MUCL1: variants seen among roughly 807,000 people sequenced by gnomAD.
MUCL1 encodes the protein mucin like 1.
In MUCL1, 11 loss-of-function variants were observed where a neutral mutation model predicts 9.2. The ratio of observed to expected loss-of-function variants is 1.19; its 90% confidence interval spans 0.75 to 1.97. The LOEUF (loss-of-function observed/expected upper bound fraction) is 1.97, where lower values mean the gene tolerates loss of function less well. Among genes scored for constraint, MUCL1 ranks in the 30% most tolerant of loss-of-function variants. The pLI is 0.00. For synonymous variants in MUCL1, 48 were observed against 40.5 expected (o/e 1.19, Z -0.71); for missense variants, 144 against 110.9 (o/e 1.30, Z -1.34).
upstream of MUCL1, among the ~76,000 whole-genome samples, chr12:54,834,959 C>G (rs10747716): frequency 0.36 from 54,217 of 151,846 alleles, 11,595 homozygotes; most frequent in East Asian, 0.83. Context: ...CCTTTGCATA[C>G]AGATAGTTTA....
chr12:54,855,297 G>C (rs1464771249), intron 2 of MUCL1, 140 bp downstream of exon 2: 11 of 700,388 alleles, frequency 1.6e-5, no homozygotes, highest in Non-Finnish European at 2.7e-5. Flanking sequence ...CTATATTCCT[G>C]ATTTTAAAAT....
At chr12:54,850,698 T>C (rs1959325695), upstream of MUCL1, among the ~76,000 whole-genome samples, 1 of 152,186 alleles carries the variant, frequency 6.6e-6, no homozygotes. Flanking sequence ...CTGGGTCAAA[T>C]GGTATTTCTA....
chr12:54,847,318 G>T (rs1345544268), intron 1 of MUCL1, among the ~76,000 whole-genome samples: 1 of 152,136 alleles, frequency 6.6e-6, no homozygotes, highest in African/African-American at 2.4e-5. Context: ...AAACTGACAA[G>T]CAAAGAGCAA....
At position 54,858,310 on chromosome 12, in the gene MUCL1, T is replaced by C; in HGVS notation, c.*68T>C. 6.3e-7 allele frequency: 1 copy of C among 1,576,534 alleles called. No individual in the cohort carries two copies. The highest frequency in any genetic ancestry group is 1.1e-5 in the South Asian group (1 of 90,176). On this transcript the variant is annotated 3_prime_UTR_variant, in exon 4 of 4. Coordinates refer to ENST00000308796, the MANE Select transcript of MUCL1 (RefSeq NM_058173.3). ...CATGCTTCCTGTGATTTCATCCAAC[T>C]ACTTACCTTGCCTACGATATCCCCT... is the stretch of plus-strand genomic sequence containing the variant.
chr12:54,834,673 A>T (rs1473098452), upstream of MUCL1, among the ~76,000 whole-genome samples: 2 of 152,010 alleles, frequency 1.3e-5, no homozygotes, highest in African/African-American at 4.8e-5. Flanking sequence ...CATTAATCAT[A>T]ATGAACTAAC....
At chr12:54,835,915 A>C (rs1959192457), upstream of MUCL1, among the ~76,000 whole-genome samples, 1 of 152,184 alleles carries the variant, frequency 6.6e-6, no homozygotes, top group African/African-American at 2.4e-5. Flanking sequence ...CCATCCCTGC[A>C]TCCCTGGGAT....
chr12:54,853,000 G>T (rs1182931181), upstream of MUCL1, among the ~76,000 whole-genome samples: 3 of 152,100 alleles, frequency 2.0e-5, no homozygotes, highest in Non-Finnish European at 4.4e-5. Context: ...TCTTTCCGAG[G>T]TTGAAGACCA....
At chr12:54,857,231 A>AGTGTGTGTGTGTGTGTGTGT (rs34504933) in intron 3 of MUCL1, among the ~76,000 whole-genome samples, 2 of 142,454 alleles carry the variant, frequency 1.4e-5, no homozygotes, top group East Asian at 2.1e-4. Flanking sequence ...TAAATCAGGT[A>AGTGTGTGTGTGTGTGTGTGT]GTGTGTGTGT....
chr12:54,854,715 T>C, intron 1 of MUCL1, 75 bp downstream of exon 1: 1 of 1,359,044 alleles, frequency 7.4e-7, no homozygotes, highest in South Asian at 1.2e-5. Flanking sequence ...GATGTGGGCT[T>C]ATGGTTGCTT....
chr12:54,837,004 G>A (rs1459999511), upstream of MUCL1, among the ~76,000 whole-genome samples: 1 of 152,038 alleles, frequency 6.6e-6, no homozygotes, highest in African/African-American at 2.4e-5. Context: ...CTTATTATAT[G>A]GTCTATCTTG....
At chr12:54,852,558 C>CT (rs1377297259), upstream of MUCL1, among the ~76,000 whole-genome samples, 2 of 152,194 alleles carry the variant, frequency 1.3e-5, no homozygotes, top group Non-Finnish European at 2.9e-5. Context: ...TTGTATCACA[C>CT]TTTTCCTGTT....
chr12:54,855,075 G>T lies in MUCL1; in HGVS notation c.59-41G>T, dbSNP rs897674780. 8 of 1,584,166 alleles carry T rather than the reference G, an allele frequency of 5.0e-6. No homozygotes were observed. In the African/African-American group the frequency reaches 8.1e-5, roughly 16 times the overall value. On this transcript the variant is annotated intron_variant, in intron 1 of 3. Coordinates refer to ENST00000308796, the MANE Select transcript of MUCL1 (RefSeq NM_058173.3). ...TCTCTTACCTCCATCCTCCAAACTGGTATTCAGCTAACATCTTAATTTTTC... is the reference window on the plus strand; with the variant it reads ...TCTCTTACCTCCATCCTCCAAACTGTTATTCAGCTAACATCTTAATTTTTC...
chr12:54,849,392 T>A (rs1565777239), intron 1 of MUCL1, among the ~76,000 whole-genome samples: 1 of 152,132 alleles, frequency 6.6e-6, no homozygotes, highest in South Asian at 2.1e-4. Context: ...ATGGCAGTTA[T>A]CTCATTGTTT....
At chr12:54,842,258 C>T (rs1423226914) in intron 1 of MUCL1, among the ~76,000 whole-genome samples, 2 of 151,644 alleles carry the variant, frequency 1.3e-5, no homozygotes, top group Admixed American at 6.6e-5. Context: ...TAAATTACAT[C>T]GTTAAAAATT....
At chr12:54,855,074 G>T (rs1333490867) in intron 1 of MUCL1, 42 bp from the exon 2 acceptor site, 1 of 1,580,070 alleles carries the variant, frequency 6.3e-7, no homozygotes, top group Non-Finnish European at 8.7e-7. Flanking sequence ...CCTCCAAACT[G>T]GTATTCAGCT....
intron 3 of MUCL1, 136 bp from the exon 4 acceptor site, chr12:54,858,057 A>G: frequency 9.4e-7 from 1 of 1,058,578 alleles, no homozygotes; most frequent in Non-Finnish European, 1.4e-6. Context: ...TCCCGTAATA[A>G]CAATCCCATG....
At chr12:54,846,288 G>T (rs1218428845) in intron 1 of MUCL1, among the ~76,000 whole-genome samples, 1 of 152,122 alleles carries the variant, frequency 6.6e-6, no homozygotes, top group Non-Finnish European at 1.5e-5. Context: ...ATGCTGCCAT[G>T]GGGCTAGATC....
intron 1 of MUCL1, among the ~76,000 whole-genome samples, chr12:54,847,021 A>G (rs1959266247): frequency 6.6e-6 from 1 of 152,102 alleles, no homozygotes; most frequent in African/African-American, 2.4e-5. Flanking sequence ...CTGCCTTCCA[A>G]GATGTCATCC....
Position 54,856,961 on chromosome 12 carries a change from AC to A in MUCL1, c.223+70del. 5 of 1,602,468 alleles carry A rather than the reference AC, an allele frequency of 3.1e-6. No homozygotes were observed. In the South Asian group the frequency reaches 5.5e-5, roughly 18 times the overall value. On this transcript the variant is annotated intron_variant, in intron 3 of 3. Coordinates refer to ENST00000308796, the MANE Select transcript of MUCL1 (RefSeq NM_058173.3). ...TTGATTCCTTGGGTTCTCTATTCTCACAGAGACTCTATTTTTGAGGTCAGGG... is the reference window on the plus strand; with the variant it reads ...TTGATTCCTTGGGTTCTCTATTCTCAAGAGACTCTATTTTTGAGGTCAGGG...
Sources: allele counts gnomAD v4.1 joint callset (sites outside exome capture counted in the v4.1 genomes callset), GRCh38; gene constraint gnomAD v4.1.1; transcripts MANE v1.5; gene names NCBI Gene and HGNC (gene_info 2026-07-23, HGNC 2026-07-21).